The following USP31 variants were observed in gnomAD, a reference collection of about 807,000 sequenced individuals.
USP31 encodes ubiquitin carboxyl-terminal hydrolase 31.
Under a neutral mutation model 119.4 loss-of-function variants are expected in USP31, and 44 were observed. The observed-to-expected ratio is 0.37, with a 90% confidence interval of 0.29 to 0.47. The LOEUF is 0.47. Ranked by LOEUF, USP31 falls within the 20% of genes least tolerant of loss-of-function variation. USP31 has a pLI of 0.99. For synonymous variants in USP31, 749 were observed against 705.6 expected (o/e 1.06, Z -0.97); for missense variants, 1,643 against 1,730.2 (o/e 0.95, Z 0.89).
Position 23,069,394 on chromosome 16 carries a change from T to C in USP31, c.2711A>G (p.Asp904Gly), listed in dbSNP as rs202128327. The C allele has an allele frequency of 5.6e-6, 9 of 1,611,776 alleles. No individual in the cohort carries two copies. Among genetic ancestry groups the C allele is most frequent in the Non-Finnish European group, 7.6e-6 (9 of 1,178,088 alleles). ...STLEKIGEAA[D>G]DKVSISCFGS... is the part of the protein sequence containing the mutation. ...AAAGCAAGAGATGGAGACCTTGTCA[T>C]CTGCTGCCTCCCCAATCTTCTCCAA... Residue 904 changes from aspartate to glycine, a missense_variant, in exon 16 of 16, where the codon GAT becomes GGT. Around this residue, in one of 5 missense-constraint regions of USP31, gnomAD observed 699 missense variants for 650.9 expected, o/e 1.07. Transcript: ENST00000219689.
chr16:23,072,355 C>G (rs891478832), intron 14 of USP31, 158 bp from the exon 15 acceptor site: 4 of 978,706 alleles, frequency 4.1e-6, no homozygotes, highest in Non-Finnish European at 6.2e-6. Flanking sequence ...TCATGTCGTG[C>G]CTGTCCGAAT....
Position 23,068,195 on chromosome 16 carries a change from A to C in USP31, c.3910T>G (p.Ser1304Ala), listed in dbSNP as rs764205645. The change falls in exon 16 of 16, where the codon TCC becomes GCC. Residue 1304 changes from serine to alanine, a missense_variant. Ser to Ala is a moderately conservative substitution (Grantham distance 99, BLOSUM62 1). Around this residue, in one of 5 missense-constraint regions of USP31, gnomAD observed 699 missense variants for 650.9 expected, o/e 1.07. Transcript: ENST00000219689. The stretch of plus-strand genomic sequence containing the variant: ...TTGGATTTGCGAGCGGACAGCAGGG[A>C]ATGTTTGGCAGAAGCAGGGTCCTTG... ...VTKDPASAKHSLLSARKSKSS... is the reference protein window; with the variant it reads ...VTKDPASAKHALLSARKSKSS... The C allele has an allele frequency of 7.4e-6, 12 of 1,614,004 alleles. No individual in the cohort carries two copies. Among genetic ancestry groups the C allele is most frequent in the Non-Finnish European group, 9.3e-6 (11 of 1,180,030 alleles).
Position 23,099,138 on chromosome 16 carries a change from C to T in USP31, c.1234+3181G>A, listed in dbSNP as rs1596708939. Among the ~76,000 whole-genome samples the T allele has an allele frequency of 5.3e-5, 8 of 152,082 alleles. No homozygotes were observed. In the South Asian group the frequency reaches 1.7e-3, roughly 32 times the overall value. ...AACGAATTTACAAGAAAAAAACAACCCCATCAAAAAGTGGGCAAAGGGTAT... is the reference window on the plus strand; with the variant it reads ...AACGAATTTACAAGAAAAAAACAACTCCATCAAAAAGTGGGCAAAGGGTAT... On this transcript the variant is annotated intron_variant, in intron 6 of 15. Transcript: ENST00000219689.
intron 1 of USP31, among the ~76,000 whole-genome samples, chr16:23,116,210 AAAAC>A (rs766630385): frequency 6.6e-5 from 10 of 152,310 alleles, no homozygotes; most frequent in Admixed American, 1.3e-4. Flanking sequence ...GACAAAAACA[AAAAC>A]AAACAAACAA....
chr16:23,149,174 C>G lies in USP31; in HGVS notation c.97G>C (p.Ala33Pro). ...FSKRLFRSGRAGGGGAGGPGA... is the reference protein window; with the variant it reads ...FSKRLFRSGRPGGGGAGGPGA... ...GGGCCCCCCGCGCCGCCGCCGCCAG[C>G]GCGGCCGCTCCGAAACAGCCGCTTG... is the stretch of plus-strand genomic sequence containing the variant. Residue 33 changes from alanine (A) to proline (P), a missense_variant, in exon 1 of 16, where the codon GCT becomes CCT. By Grantham distance (27) the Ala-to-Pro change is conservative. Around this residue, in one of 5 missense-constraint regions of USP31, gnomAD observed 302 missense variants for 262.6 expected, o/e 1.15. Coordinates refer to ENST00000219689, the MANE Select transcript of USP31 (RefSeq NM_020718.4). 8.6e-7 allele frequency: 1 copy of G among 1,165,372 alleles called. No individual in the cohort carries two copies. The highest frequency in any genetic ancestry group is 1.1e-6 in the Non-Finnish European group (1 of 941,922). 72.2% of individuals were successfully genotyped at this position (1,165,372 alleles called of 1,614,324 possible). A position where few individuals can be genotyped will look rare whatever the true frequency, so the allele number is the denominator to read the frequency against.
At position 23,065,748 on chromosome 16, in the gene USP31, A is replaced by C. The variant is rs949764395; in HGVS notation, c.*2298T>G. ...ATCGTGGAAAATCCATTCCTAGATA[A>C]CTCAAGAATAAAAATATTTACCACT... On this transcript the variant is annotated 3_prime_UTR_variant, in exon 16 of 16. Coordinates refer to ENST00000219689, the MANE Select transcript of USP31 (RefSeq NM_020718.4). The C allele has an allele frequency of 6.6e-6, 1 of 152,186 alleles. No individual in the cohort carries two copies. Among genetic ancestry groups the C allele is most frequent in the African/African-American group, 2.4e-5 (1 of 41,440 alleles). 9.4% of individuals were successfully genotyped at this position (152,186 alleles called of 1,614,324 possible). A position where few individuals can be genotyped will look rare whatever the true frequency, so the allele number is the denominator to read the frequency against.
Position 23,090,744 on chromosome 16 carries a change from G to T in USP31, c.1295C>A (p.Ser432Tyr). Reference protein sequence around the residue: ...LKFGLDYHRLSSPTQTAAKQG... With the variant: ...LKFGLDYHRLYSPTQTAAKQG... The stretch of plus-strand genomic sequence containing the variant: ...CTTTGCTGCTGTTTGTGTAGGAGAA[G>T]ACAGTCTATGATAATCCAAGCCAAA... The change falls in exon 7 of 16, where the codon TCT (serine) becomes TAT (tyrosine). Residue 432 changes from serine to tyrosine, a missense_variant. By Grantham distance (144) the Ser-to-Tyr change is moderately radical. Transcript: ENST00000219689. 6.2e-7 allele frequency: 1 copy of T among 1,613,874 alleles called. No individual in the cohort carries two copies. The highest frequency in any genetic ancestry group is 8.5e-7 in the Non-Finnish European group (1 of 1,179,800).
At chr16:23,106,174 A>G (rs916492696) in intron 4 of USP31, 39 bp downstream of exon 4, 1 of 1,611,116 alleles carries the variant, frequency 6.2e-7, no homozygotes, top group African/African-American at 1.3e-5. Flanking sequence ...GGGATACCAT[A>G]AGAAAATACA....
intron 5 of USP31, among the ~76,000 whole-genome samples, chr16:23,104,626 G>T (rs1902016916): frequency 6.6e-6 from 1 of 152,296 alleles, no homozygotes; most frequent in Non-Finnish European, 1.5e-5. Flanking sequence ...TTTTACTGTG[G>T]TAACTTCCCA....
At chr16:23,106,623 C>G in intron 2 of USP31, 136 bp from the exon 3 acceptor site, 1 of 866,418 alleles carries the variant, frequency 1.2e-6, no homozygotes, top group Non-Finnish European at 1.7e-6. Flanking sequence ...GTGACGGGCA[C>G]CTGCTAAAGG....
chr16:23,129,514 C>G (rs1902962712), intron 1 of USP31, among the ~76,000 whole-genome samples: 1 of 152,122 alleles, frequency 6.6e-6, no homozygotes, highest in South Asian at 2.1e-4. Flanking sequence ...CATTTGGAAG[C>G]TGCTTCAAAA....
At position 23,149,014 on chromosome 16, in the gene USP31, T is replaced by C. The variant is rs1596744742; in HGVS notation, c.257A>G (p.Asp86Gly). 1.8e-6 allele frequency: 2 copies of C among 1,140,810 alleles called. No individual in the cohort carries two copies. Among genetic ancestry groups the C allele is most frequent in the African/African-American group, 1.7e-5 (1 of 58,070 alleles). 70.7% of individuals were successfully genotyped at this position (1,140,810 alleles called of 1,614,324 possible). Residue 86 changes from aspartate (D) to glycine (G), a missense_variant, in exon 1 of 16, where the codon GAC (aspartate) becomes GGC (glycine). Physicochemically the swap from Asp to Gly is moderately conservative, Grantham distance 94. Transcript: ENST00000219689. ...SHLSSEGAAP[D>G]RGGLRSCFPP... ...GAAGCAGCTGCGGAGGCCGCCGCGG[T>C]CTGGGGCGGCGCCCTCAGAGCTAAG...
intron 1 of USP31, among the ~76,000 whole-genome samples, chr16:23,113,941 C>T (rs544121475): frequency 1.3e-5 from 2 of 152,202 alleles, no homozygotes; most frequent in South Asian, 2.1e-4. Context: ...CCCATCTCTA[C>T]TAAAAATACA....
intron 1 of USP31, among the ~76,000 whole-genome samples, chr16:23,109,626 T>C (rs1289149747): frequency 6.6e-6 from 1 of 151,530 alleles, no homozygotes; most frequent in African/African-American, 2.4e-5. Context: ...GAAAGAGGAG[T>C]AGAAAGTAAC....
intron 1 of USP31, among the ~76,000 whole-genome samples, chr16:23,131,562 A>C (rs923036508): frequency 6.6e-5 from 10 of 152,206 alleles, no homozygotes; most frequent in Non-Finnish European, 1.3e-4. Context: ...AAACACAGAA[A>C]CCTGTTGTGT....
At chr16:23,101,523 G>A (rs1282534221) in intron 6 of USP31, among the ~76,000 whole-genome samples, 2 of 152,090 alleles carry the variant, frequency 1.3e-5, no homozygotes, top group African/African-American at 4.8e-5. Context: ...TGATAAGAGC[G>A]GCAGTTCTCA....
chr16:23,119,340 C>T (rs1458387425), intron 1 of USP31, among the ~76,000 whole-genome samples: 4 of 152,118 alleles, frequency 2.6e-5, no homozygotes, highest in African/African-American at 4.8e-5. Context: ...TCAAGTGAGC[C>T]GCCTGCCTCA....
chr16:23,101,984 A>AC, intron 6 of USP31, among the ~76,000 whole-genome samples: 1 of 151,056 alleles, frequency 6.6e-6, no homozygotes, highest in Non-Finnish European at 1.5e-5. Context: ...AAAAAAAAAA[A>AC]AAAAAAAAAA....
At position 23,142,923 on chromosome 16, in the gene USP31, T is replaced by C. The variant is rs145336074; in HGVS notation, c.633+5715A>G. ...CTGAAGTATCAGTATACTAAAGAGC[T>C]TGACACTAACAAGAAAAAAACTGTG... On this transcript the variant is annotated intron_variant, in intron 1 of 15. Coordinates refer to ENST00000219689, the MANE Select transcript of USP31 (RefSeq NM_020718.4). 5.1e-4 allele frequency among the ~76,000 whole-genome samples: 78 copies of C among 152,286 alleles called. No individual in the cohort carries two copies. In the East Asian group the frequency reaches 5.8e-3, roughly 11 times the overall value.
Sources: gnomAD v4.1 joint callset for allele counts (sites outside exome capture counted in the v4.1 genomes callset) on GRCh38, gnomAD v4.1.1 for gene constraint, gnomAD v4.1.1 regional missense constraint, MANE v1.5 for transcripts, NCBI Gene and HGNC (gene_info 2026-07-23, HGNC 2026-07-21) for gene names.